Variants in SPIRE2 observed in about 807,000 individuals in gnomAD.
SPIRE2 encodes the protein protein spire homolog 2.
A neutral mutation model predicts 80.7 loss-of-function variants in SPIRE2; 76 were observed. The observed-to-expected ratio is 0.94, with a 90% CI of 0.78 to 1.14. The LOEUF (loss-of-function observed/expected upper bound fraction) is 1.14. SPIRE2 is among the 50% of genes most tolerant of loss of function. SPIRE2 has a pLI of 0.00. For synonymous variants in SPIRE2, 535 were observed against 432.6 expected, an observed-to-expected ratio of 1.24 and a Z score of -2.94; for missense variants, 1,196 against 1,015.3, an observed-to-expected ratio of 1.18 and a Z score of -2.42.
Position 89,870,713 on chromosome 16 carries a change from C to G in SPIRE2, c.*441C>G, listed in dbSNP as rs1379373186. On this transcript the variant is annotated 3_prime_UTR_variant, in exon 15 of 15. Transcript: ENST00000378247. The stretch of plus-strand genomic sequence containing the variant: ...AGTGCCCTGCTTGCCTCTGCTCTCC[C>G]TTTGTGGGGACTCAGGCAGCAGAGG... 1 of 167,558 alleles carries G rather than the reference C, an allele frequency of 6.0e-6. No homozygotes were observed. Among genetic ancestry groups the G allele is most frequent in the Non-Finnish European group, 1.3e-5 (1 of 75,494 alleles). The allele number at this position is 167,558 out of a possible 1,614,324, so 10.4% of individuals were successfully genotyped here. A position where few individuals can be genotyped will look rare whatever the true frequency, so the allele number is the denominator to read the frequency against.
chr16:89,864,652 C>T (rs1290062081), intron 12 of SPIRE2, among the ~76,000 whole-genome samples: 1 of 152,182 alleles, frequency 6.6e-6, no homozygotes, highest in African/African-American at 2.4e-5. Flanking sequence ...ATTCACAGGG[C>T]ACTAACTGGA....
At chr16:89,869,900 G>A (rs1225851971) in intron 14 of SPIRE2, 150 bp from the exon 15 acceptor site, 20 of 732,240 alleles carry the variant, frequency 2.7e-5, no homozygotes, top group South Asian at 5.1e-5. Flanking sequence ...CTGCTGAGAT[G>A]AACACTGCTA....
chr16:89,845,387 G>A (rs754392628), intron 2 of SPIRE2, 22 bp downstream of exon 2: 2 of 1,601,626 alleles, frequency 1.2e-6, no homozygotes, highest in African/African-American at 2.7e-5. Flanking sequence ...AAAATTCCAA[G>A]TATTACTTGA....
chr16:89,843,036 C>T (rs893704817), intron 1 of SPIRE2, among the ~76,000 whole-genome samples: 1 of 152,258 alleles, frequency 6.6e-6, no homozygotes, highest in African/African-American at 2.4e-5. Context: ...CATCTTACCT[C>T]ATTCCAGAAA....
intron 12 of SPIRE2, among the ~76,000 whole-genome samples, chr16:89,867,492 T>C (rs1379133049): frequency 6.6e-6 from 1 of 152,060 alleles, no homozygotes; most frequent in Non-Finnish European, 1.5e-5. Flanking sequence ...TTTTAAACTT[T>C]CCAAAAGTAT....
chr16:89,837,366 G>T (rs1008404282), intron 1 of SPIRE2, among the ~76,000 whole-genome samples: 1 of 152,172 alleles, frequency 6.6e-6, no homozygotes, highest in African/African-American at 2.4e-5. Flanking sequence ...AGACTCAGCT[G>T]GGTGGCCTTG....
chr16:89,849,529 C>T (rs1256562085), intron 2 of SPIRE2, among the ~76,000 whole-genome samples: 1 of 152,222 alleles, frequency 6.6e-6, no homozygotes, highest in Non-Finnish European at 1.5e-5. Context: ...ACATGGAACA[C>T]AGCACTGTGC....
chr16:89,839,091 C>A (rs1364318747), intron 1 of SPIRE2, among the ~76,000 whole-genome samples: 1 of 151,942 alleles, frequency 6.6e-6, no homozygotes, highest in East Asian at 2.0e-4. Context: ...CCTGTAATCC[C>A]AGCACTTTGG....
At chr16:89,848,087 A>G (rs935165195) in intron 2 of SPIRE2, among the ~76,000 whole-genome samples, 4 of 152,330 alleles carry the variant, frequency 2.6e-5, no homozygotes, top group East Asian at 3.9e-4. Flanking sequence ...ATTTCCCGCT[A>G]CGCTGTCCTT....
At chr16:89,842,402 G>A (rs1036433716) in intron 1 of SPIRE2, among the ~76,000 whole-genome samples, 30 of 151,724 alleles carry the variant, frequency 2.0e-4, no homozygotes, top group African/African-American at 5.3e-4. Context: ...TAGTAGAAAC[G>A]GGGTTTTGCC....
At chr16:89,851,180 C>T (rs936687616) in intron 3 of SPIRE2, among the ~76,000 whole-genome samples, 3 of 152,174 alleles carry the variant, frequency 2.0e-5, no homozygotes, top group Non-Finnish European at 1.5e-5. Flanking sequence ...CCCAACTGCT[C>T]TCTCCCGTTG....
chr16:89,861,987 G>C (rs911832142), intron 10 of SPIRE2: 2 of 151,396 alleles, frequency 1.3e-5, no homozygotes, highest in African/African-American at 4.9e-5. Flanking sequence ...GGGAGGGAGA[G>C]AATTAAGGCC....
At position 89,856,148 on chromosome 16, in the gene SPIRE2, G is replaced by A; in HGVS notation, c.1014G>A (p.Lys338=). 1.9e-6 allele frequency: 3 copies of A among 1,611,532 alleles called. No individual in the cohort carries two copies. The highest frequency in any genetic ancestry group is 2.5e-6 in the Non-Finnish European group (3 of 1,179,470). The stretch of plus-strand genomic sequence containing the variant: ...GGCGGCTGCGCCCGTTGCCACCAAA[G>A]CAAAGGTCCCTGCATGAGAAGATCC... ...SERRLRPLPP[K]QRSLHEKILE... Residue 338 remains lysine, a synonymous_variant, in exon 7 of 15, where the codon AAG becomes AAA. Transcript: ENST00000378247.
chr16:89,840,001 T>A (rs566588406), intron 1 of SPIRE2, among the ~76,000 whole-genome samples: 1 of 152,306 alleles, frequency 6.6e-6, no homozygotes, highest in Admixed American at 6.5e-5. Context: ...GGTGAGGAAG[T>A]GAGGTCACAG....
At chr16:89,831,841 A>C (rs2041386863) in intron 1 of SPIRE2, among the ~76,000 whole-genome samples, 1 of 151,034 alleles carries the variant, frequency 6.6e-6, no homozygotes, top group East Asian at 1.9e-4. Flanking sequence ...AGGCACCCTT[A>C]GAGCACTGGC....
At chr16:89,838,168 T>C (rs1472227350) in intron 1 of SPIRE2, among the ~76,000 whole-genome samples, 1 of 139,710 alleles carries the variant, frequency 7.2e-6, no homozygotes, top group African/African-American at 2.9e-5. Context: ...CTCAGCATTT[T>C]TTTTTTTTTT....
At chr16:89,866,497 T>G (rs2041790009) in intron 12 of SPIRE2, among the ~76,000 whole-genome samples, 1 of 152,160 alleles carries the variant, frequency 6.6e-6, no homozygotes, top group Non-Finnish European at 1.5e-5. Context: ...GGTTTCTCCA[T>G]GTTGGTCAGG....
Position 89,828,788 on chromosome 16 carries a change from G to T in SPIRE2, c.238G>T (p.Ala80Ser), listed in dbSNP as rs1598212837. 8.5e-7 allele frequency: 1 copy of T among 1,182,754 alleles called. No individual in the cohort carries two copies. 73.3% of individuals were successfully genotyped at this position (1,182,754 alleles called of 1,614,324 possible). A position where few individuals can be genotyped will look rare whatever the true frequency, so the allele number is the denominator to read the frequency against. The change falls in exon 1 of 15, where the codon GCC becomes TCC. Residue 80 changes from alanine (A) to serine (S), a missense_variant. Physicochemically the swap from Ala to Ser is moderately conservative, Grantham distance 99. Coordinates refer to ENST00000378247, the MANE Select transcript of SPIRE2 (RefSeq NM_032451.2). The surrounding 1 kb of genome is among the most constrained non-coding windows in gnomAD (Gnocchi z 5.9). ...CTCGGTCGGGGCGCGGGAGCCCGAG[G>T]CCGCGGGTGAGGCCGGGGGCGGGGC... ...DGSVGAREPE[A>S]AEPATMVVPL...
intron 1 of SPIRE2, among the ~76,000 whole-genome samples, chr16:89,840,492 G>A (rs921415458): frequency 3.0e-4 from 45 of 151,146 alleles, no homozygotes; most frequent in African/African-American, 2.9e-4. Context: ...CTTGGGATCC[G>A]CCCGCCTCGG....
Sources: gnomAD v4.1 joint callset for allele counts (sites outside exome capture counted in the v4.1 genomes callset) on GRCh38, gnomAD v4.1.1 for gene constraint, Gnocchi (gnomAD v3.1) non-coding constraint, MANE v1.5 for transcripts, NCBI Gene and HGNC (gene_info 2026-07-23, HGNC 2026-07-21) for gene names.